The following NCKAP5 variants were observed in gnomAD, a reference collection of about 807,000 sequenced individuals.
NCKAP5 encodes the protein nck-associated protein 5.
In NCKAP5, 92 loss-of-function variants were observed where a neutral mutation model predicts 167.0. The observed-to-expected ratio is 0.55, with a 90% confidence interval of 0.47 to 0.66. The LOEUF is 0.66. NCKAP5 is among the 30% of genes least tolerant of loss of function. NCKAP5 has a pLI of 0.00. For synonymous variants in NCKAP5, 891 were observed against 877.4 expected, an observed-to-expected ratio of 1.02 and a Z score of -0.27; for missense variants, 2,378 against 2,315.0, an observed-to-expected ratio of 1.03 and a Z score of -0.56.
intron 19 of NCKAP5, among the ~76,000 whole-genome samples, chr2:132,676,042 G>A (rs1164437258): frequency 6.6e-6 from 1 of 152,126 alleles, no homozygotes; most frequent in Non-Finnish European, 1.5e-5. Flanking sequence ...CAGCTCAGGA[G>A]TATGTGCTGG....
In NCKAP5 at chr2:132,784,716, T is replaced by C; in HGVS notation, c.2095A>G (p.Asn699Asp). 6.2e-7 allele frequency: 1 copy of C among 1,614,006 alleles called. No individual in the cohort carries two copies. Among genetic ancestry groups the C allele is most frequent in the Non-Finnish European group, 8.5e-7 (1 of 1,179,874 alleles). ...VTVTRNEISI[N>D]STPAGPKAEH... ...GCCTTGGGTCCAGCAGGAGTTGAATTGATGGAAATCTCATTTCTGGTAACA... is the reference window on the plus strand; with the variant it reads ...GCCTTGGGTCCAGCAGGAGTTGAATCGATGGAAATCTCATTTCTGGTAACA... Residue 699 changes from asparagine to aspartate, a missense_variant, in exon 14 of 20, where the codon AAT becomes GAT. Around this residue, in one of 3 missense-constraint regions of NCKAP5, gnomAD observed 1,049 missense variants for 1,023.4 expected, o/e 1.02. Coordinates refer to ENST00000409261, the MANE Select transcript of NCKAP5 (RefSeq NM_207363.3).
At chr2:133,386,807 T>A (rs974519964) in intron 3 of NCKAP5, among the ~76,000 whole-genome samples, 12 of 152,242 alleles carry the variant, frequency 7.9e-5, no homozygotes, top group African/African-American at 2.7e-4. Flanking sequence ...TGTAATGGCC[T>A]TGTTTGTCTC....
At chr2:133,143,245 G>A (rs1402691160) in intron 5 of NCKAP5, among the ~76,000 whole-genome samples, 1 of 152,088 alleles carries the variant, frequency 6.6e-6, no homozygotes. Context: ...TGCCATCTTA[G>A]TACCACTGTC....
rs149260628 is a variant in NCKAP5, at chr2:133,324,125, A to G, written c.70-21015T>C. On this transcript the variant is annotated intron_variant, in intron 3 of 19. Coordinates refer to ENST00000409261, the MANE Select transcript of NCKAP5 (RefSeq NM_207363.3). ...CAACCAAAGTCTGAGATGAAAACTT[A>G]AAGAAGGCTAGACTGCATGAAATTT... 8.9e-4 allele frequency among the ~76,000 whole-genome samples: 136 copies of G among 152,350 alleles called. 1 individual carries two copies. The East Asian group carries it at 0.024, about 26-fold the overall frequency.
chr2:132,782,740 G>A lies in NCKAP5; in HGVS notation c.4071C>T (p.Ser1357=). 6.2e-7 allele frequency: 1 copy of A among 1,613,994 alleles called. No homozygotes were observed. The highest frequency in any genetic ancestry group is 1.3e-5 in the African/African-American group (1 of 75,062). ...TTGGGCTCCCATGCTGACTGCTGAA[G>A]CTGCCTGAGCTCCCCAGGGAGCCCT... ...SGKGSLGSSG[S]FSSQHGSPSK... The change falls in exon 14 of 20, where the codon AGC becomes AGT. Residue 1357 remains serine (S), a synonymous_variant. Transcript: ENST00000409261.
At chr2:133,453,050 A>G (rs1691646616) in intron 3 of NCKAP5, among the ~76,000 whole-genome samples, 1 of 152,186 alleles carries the variant, frequency 6.6e-6, no homozygotes, top group Admixed American at 6.5e-5. Context: ...CAGTTCTCCA[A>G]ATAAGGCAAC....
In NCKAP5 at chr2:133,468,612, G is replaced by A. The variant is rs1016665430; in HGVS notation, c.69+48846C>T. Among the ~76,000 whole-genome samples the A allele has an allele frequency of 3.3e-5, 5 of 152,156 alleles. No homozygotes were observed. The East Asian group carries it at 9.6e-4, about 29-fold the overall frequency. On this transcript the variant is annotated intron_variant, in intron 3 of 19. Transcript: ENST00000409261. ...ATCTGTCTAATGCTGACAGTGGGGTGTTAAAGTCTCCATTATTAATGTGTG... is the reference window on the plus strand; with the variant it reads ...ATCTGTCTAATGCTGACAGTGGGGTATTAAAGTCTCCATTATTAATGTGTG...
intron 4 of NCKAP5, among the ~76,000 whole-genome samples, chr2:133,250,225 A>G (rs1036634148): frequency 6.6e-6 from 1 of 152,054 alleles, no homozygotes; most frequent in South Asian, 2.1e-4. Flanking sequence ...CAGCTATGTG[A>G]TCAACCTTTA....
At chr2:133,023,838 T>C (rs72996839) in intron 6 of NCKAP5, among the ~76,000 whole-genome samples, 4,581 of 152,226 alleles carry the variant, frequency 0.03, 248 homozygotes, top group African/African-American at 0.1. Flanking sequence ...TTTTTAAAAT[T>C]AAATCCACCA....
chr2:133,411,561 C>T (rs955806029), intron 3 of NCKAP5, among the ~76,000 whole-genome samples: 2 of 152,108 alleles, frequency 1.3e-5, no homozygotes, highest in Non-Finnish European at 1.5e-5. Flanking sequence ...GGTTAGGATA[C>T]GTGGAGACTT....
At chr2:133,291,002 G>A (rs1679557009) in intron 4 of NCKAP5, among the ~76,000 whole-genome samples, 1 of 152,108 alleles carries the variant, frequency 6.6e-6, no homozygotes, top group South Asian at 2.1e-4. Flanking sequence ...TTACAGGAGT[G>A]AGCCACCATG....
At chr2:133,539,232 G>A (rs905695579) in intron 2 of NCKAP5, among the ~76,000 whole-genome samples, 7 of 152,014 alleles carry the variant, frequency 4.6e-5, no homozygotes, top group African/African-American at 1.5e-4. Flanking sequence ...GAGCCTCCAT[G>A]CCTGGCCCCC....
chr2:133,450,936 A>C (rs1691512058), intron 3 of NCKAP5, among the ~76,000 whole-genome samples: 1 of 152,208 alleles, frequency 6.6e-6, no homozygotes, highest in Non-Finnish European at 1.5e-5. Context: ...AAATCAAGGC[A>C]GAGAAAAATA....
the NCKAP5 span, among the ~76,000 whole-genome samples, chr2:133,633,914 A>G: frequency 6.6e-6 from 1 of 152,202 alleles, no homozygotes; most frequent in African/African-American, 2.4e-5. Context: ...GGTCTAAGAT[A>G]AGAGATCATT....
chr2:132,965,276 T>C (rs1197827852), intron 7 of NCKAP5, among the ~76,000 whole-genome samples: 1 of 152,206 alleles, frequency 6.6e-6, no homozygotes, highest in Non-Finnish European at 1.5e-5. Flanking sequence ...AAGTTTAAGA[T>C]GTACATCCAC....
At chr2:132,885,988 A>G (rs980493384) in intron 8 of NCKAP5, among the ~76,000 whole-genome samples, 1 of 152,066 alleles carries the variant, frequency 6.6e-6, no homozygotes, top group Non-Finnish European at 1.5e-5. Context: ...AGCACACACC[A>G]TCTCAAGAGT....
intron 3 of NCKAP5, among the ~76,000 whole-genome samples, chr2:133,507,887 A>C (rs548313897): frequency 6.6e-6 from 1 of 152,212 alleles, no homozygotes; most frequent in African/African-American, 2.4e-5. Flanking sequence ...TGTCTAATAA[A>C]TATTAATTGA....
chr2:133,656,057 T>C, the NCKAP5 span, among the ~76,000 whole-genome samples: 2 of 152,218 alleles, frequency 1.3e-5, no homozygotes, highest in Non-Finnish European at 2.9e-5. Flanking sequence ...AATGTTTTAA[T>C]GTTATCTCCC....
chr2:133,352,854 G>A (rs1425702790), intron 3 of NCKAP5, among the ~76,000 whole-genome samples: 1 of 152,200 alleles, frequency 6.6e-6, no homozygotes, highest in Non-Finnish European at 1.5e-5. Flanking sequence ...ATTTCCCATT[G>A]TCAATTTGAA....
Sources: allele counts gnomAD v4.1 joint callset (sites outside exome capture counted in the v4.1 genomes callset), GRCh38; gene constraint gnomAD v4.1.1; regional missense constraint gnomAD v4.1.1; transcripts MANE v1.5; gene names NCBI Gene and HGNC (gene_info 2026-07-23, HGNC 2026-07-21).